Variants in RPS6KC1 observed in about 807,000 individuals in gnomAD.
The protein encoded by RPS6KC1 is inactive ribosomal protein S6 kinase delta-1.
A neutral mutation model predicts 103.8 loss-of-function variants in RPS6KC1; 54 were observed. The observed-to-expected ratio is 0.52, with a 90% CI of 0.42 to 0.65. The LOEUF (loss-of-function observed/expected upper bound fraction) is 0.65. Ranked by LOEUF, RPS6KC1 falls within the 30% of genes least tolerant of loss-of-function variation. RPS6KC1 has a pLI of 0.00. For missense variants in RPS6KC1, 1,151 were observed against 1,253.8 expected (o/e 0.92, Z 1.24); for synonymous variants, 439 against 438.7 (o/e 1.00, Z -0.01).
rs200113819 is a variant in RPS6KC1 at position 213,241,136 on chromosome 1, C to T, written c.1660C>T (p.Leu554Phe). The T allele has an allele frequency of 1.8e-4, 284 of 1,613,674 alleles. No homozygotes were observed. Among genetic ancestry groups the T allele is most frequent in the Non-Finnish European group, 2.0e-4 (234 of 1,179,886 alleles). Residue 554 changes from leucine to phenylalanine, a missense_variant, in exon 11 of 15, where the codon CTT becomes TTT. This residue lies in a region of RPS6KC1 where 959 missense variants were observed against 1,006.3 expected (regional missense o/e 0.95). Coordinates refer to ENST00000366960, the MANE Select transcript of RPS6KC1 (RefSeq NM_012424.6). ...AGCTATTAAAAGCTTCCCAGCACACCTTGCTGCTGACAGTGACAGCCCCAG... is the reference window on the plus strand; with the variant it reads ...AGCTATTAAAAGCTTCCCAGCACACTTTGCTGCTGACAGTGACAGCCCCAG... ...TKAIKSFPAH[L>F]AADSDSPSTQ...
At chr1:213,475,113 C>T in the RPS6KC1 span, among the ~76,000 whole-genome samples, 307 of 152,296 alleles carry the variant, frequency 2.0e-3, no homozygotes, top group Non-Finnish European at 3.3e-3. Context: ...ATTGCGGGGC[C>T]GTTTTATTGG....
At chr1:213,400,653 G>GTTGTTCTATAT in the RPS6KC1 span, among the ~76,000 whole-genome samples, 2 of 151,868 alleles carry the variant, frequency 1.3e-5, no homozygotes, top group African/African-American at 4.8e-5. Flanking sequence ...CAAGTTCCCT[G>GTTGTTCTATAT]TTGTTCTATA....
At chr1:213,831,280 G>A in the RPS6KC1 span, among the ~76,000 whole-genome samples, 3 of 152,342 alleles carry the variant, frequency 2.0e-5, no homozygotes, top group East Asian at 5.8e-4. Flanking sequence ...GAGATGGGGG[G>A]ATTATCAAGG....
At chr1:213,653,262 A>G in the RPS6KC1 span, among the ~76,000 whole-genome samples, 1 of 152,200 alleles carries the variant, frequency 6.6e-6, no homozygotes, top group East Asian at 1.9e-4. Context: ...GTTTGAGACC[A>G]GCCTGGGCAA....
the RPS6KC1 span, among the ~76,000 whole-genome samples, chr1:213,532,108 G>A: frequency 6.6e-6 from 1 of 152,204 alleles, no homozygotes; most frequent in Non-Finnish European, 1.5e-5. Context: ...ACAAGAGATG[G>A]CAATTGCCCC....
At chr1:213,328,504 CTATATATATATATATATA>C in the RPS6KC1 span, among the ~76,000 whole-genome samples, 87 of 101,298 alleles carry the variant, frequency 8.6e-4, no homozygotes, top group Middle Eastern at 9.8e-3. Context: ...AGCCATTATA[CTATATATATATATATATA>C]TATATATATA....
At chr1:213,576,581 A>G in the RPS6KC1 span, among the ~76,000 whole-genome samples, 50 of 152,284 alleles carry the variant, frequency 3.3e-4, no homozygotes, top group African/African-American at 1.1e-3. Flanking sequence ...AACCAAACCC[A>G]TATTAAATTT....
At chr1:213,805,665 A>G in the RPS6KC1 span, among the ~76,000 whole-genome samples, 1 of 152,212 alleles carries the variant, frequency 6.6e-6, no homozygotes, top group African/African-American at 2.4e-5. Flanking sequence ...GGATGTAATC[A>G]GCTTCTTCCA....
At chr1:213,819,536 A>T in the RPS6KC1 span, 1 of 152,242 alleles carries the variant, frequency 6.6e-6, no homozygotes, top group Non-Finnish European at 1.5e-5. Context: ...ACAGAGGCAT[A>T]TGAAAGAGCA....
intron 6 of RPS6KC1, among the ~76,000 whole-genome samples, chr1:213,133,921 C>T (rs1396170526): frequency 6.6e-6 from 1 of 152,082 alleles, no homozygotes; most frequent in Admixed American, 6.6e-5. Flanking sequence ...GAAATCCTCT[C>T]CATTGTAGAA....
chr1:213,677,355 C>T, the RPS6KC1 span, among the ~76,000 whole-genome samples: 1 of 152,174 alleles, frequency 6.6e-6, no homozygotes, highest in Admixed American at 6.5e-5. Flanking sequence ...GAAGAGAGTT[C>T]AGCTCGGGAG....
chr1:213,152,889 G>T (rs1364360144), intron 6 of RPS6KC1, among the ~76,000 whole-genome samples: 2 of 152,230 alleles, frequency 1.3e-5, no homozygotes, highest in African/African-American at 2.4e-5. Context: ...CAAGGCAGGC[G>T]GCTGGGAGGT....
chr1:213,150,604 A>G (rs1036167103), intron 6 of RPS6KC1, among the ~76,000 whole-genome samples: 2 of 151,552 alleles, frequency 1.3e-5, no homozygotes, highest in Non-Finnish European at 2.9e-5. Flanking sequence ...GACACAGCAC[A>G]TGTTTCAGAG....
chr1:213,388,949 G>C, the RPS6KC1 span, among the ~76,000 whole-genome samples: 2 of 152,220 alleles, frequency 1.3e-5, no homozygotes, highest in Admixed American at 1.3e-4. Flanking sequence ...AAGGGGAAGG[G>C]GACTGGACTG....
At position 213,119,501 on chromosome 1, in the gene RPS6KC1, A is replaced by G. The variant is rs78633523; in HGVS notation, c.472+2091A>G. On this transcript the variant is annotated intron_variant, in intron 5 of 14. Coordinates refer to ENST00000366960, the MANE Select transcript of RPS6KC1 (RefSeq NM_012424.6). ...ATATATATATATATATATATATATG[A>G]GAGTATTCAATGAGGAGTGCAATAG... Among the ~76,000 whole-genome samples the G allele has an allele frequency of 1.5e-3, 167 of 110,710 alleles. 2 individuals carry two copies. The highest frequency in any genetic ancestry group is 5.2e-3 in the African/African-American group (153 of 29,404). The allele number at this position is 110,710 out of a possible 152,430, so 72.6% of individuals were successfully genotyped here. A position where few individuals can be genotyped will look rare whatever the true frequency, so the allele number is the denominator to read the frequency against.
chr1:213,196,133 C>A (rs1326647847), intron 8 of RPS6KC1, among the ~76,000 whole-genome samples: 2 of 151,980 alleles, frequency 1.3e-5, no homozygotes, highest in African/African-American at 4.8e-5. Flanking sequence ...CACATCCACA[C>A]CAAAAAATTA....
chr1:213,627,284 T>C, the RPS6KC1 span, among the ~76,000 whole-genome samples: 1 of 152,152 alleles, frequency 6.6e-6, no homozygotes, highest in Non-Finnish European at 1.5e-5. Context: ...TATCCTGAGA[T>C]TTTGCTGAAG....
At chr1:213,675,488 T>C in the RPS6KC1 span, among the ~76,000 whole-genome samples, 1 of 152,246 alleles carries the variant, frequency 6.6e-6, no homozygotes, top group Non-Finnish European at 1.5e-5. Context: ...CTTTCGCATA[T>C]GGCTAGCCAG....
chr1:213,337,297 C>T, the RPS6KC1 span, among the ~76,000 whole-genome samples: 2 of 152,188 alleles, frequency 1.3e-5, no homozygotes, highest in Admixed American at 6.5e-5. Context: ...TGCAGTGGTG[C>T]GCTTAGATCT....
Sources: allele counts gnomAD v4.1 joint callset (sites outside exome capture counted in the v4.1 genomes callset), GRCh38; gene constraint gnomAD v4.1.1; regional missense constraint gnomAD v4.1.1; transcripts MANE v1.5; gene names NCBI Gene and HGNC (gene_info 2026-07-23, HGNC 2026-07-21).